CSMD1: variants seen among roughly 807,000 people sequenced by gnomAD.
The protein encoded by CSMD1 is CUB and sushi domain-containing protein 1.
CSMD1 carries 213 observed loss-of-function variants against 417.5 expected under a neutral mutation model. The ratio of observed to expected loss-of-function variants is 0.51; its 90% CI spans 0.46 to 0.57. The LOEUF is 0.57. CSMD1 is among the 20% of genes least tolerant of loss of function. The pLI, the probability that CSMD1 is intolerant of heterozygous loss-of-function variation, is 0.00. For missense variants in CSMD1, 6,923 were observed against 4,529.7 expected (o/e 1.53, Z -15.17); for synonymous variants, 2,862 against 1,736.8 (o/e 1.65, Z -16.11).
At chr8:4,812,502 C>G (rs558824680) in intron 1 of CSMD1, among the ~76,000 whole-genome samples, 1 of 152,028 alleles carries the variant, frequency 6.6e-6, no homozygotes, top group South Asian at 2.1e-4. Flanking sequence ...TCCCAAATAC[C>G]CCAAATTTGA....
At chr8:4,211,450 A>G (rs112073593) in intron 3 of CSMD1, among the ~76,000 whole-genome samples, 13 of 152,240 alleles carry the variant, frequency 8.5e-5, no homozygotes, top group African/African-American at 2.9e-4. Context: ...CAGTTTACGC[A>G]TGACAAATGA....
rs373357152 is a variant in CSMD1, at chr8:3,796,060, A to C, written c.819-42018T>G. On this transcript the variant is annotated intron_variant, in intron 5 of 69. Transcript: ENST00000635120. ...ATATATATCTATCATAGATATAGAT[A>C]TATATCTATCATAGATATAGATATA... Among the ~76,000 whole-genome samples the C allele has an allele frequency of 7.4e-4, 31 of 41,730 alleles. 6 individuals are homozygous for C. The Admixed American group carries it at 8.2e-3, about 11-fold the overall frequency. The allele number at this position is 41,730 out of a possible 152,430, so 27.4% of individuals were successfully genotyped here.
chr8:3,088,625 C>T (rs544650602), intron 48 of CSMD1, among the ~76,000 whole-genome samples: 1 of 152,028 alleles, frequency 6.6e-6, no homozygotes, highest in South Asian at 2.1e-4. Context: ...TCTGAAGTAC[C>T]ATTTCCTTTT....
At chr8:4,359,786 G>A (rs528938053) in intron 3 of CSMD1, among the ~76,000 whole-genome samples, 4 of 152,284 alleles carry the variant, frequency 2.6e-5, no homozygotes, top group Admixed American at 1.3e-4. Flanking sequence ...GGTAAAGAAC[G>A]CACAATGAGT....
At chr8:4,034,770 G>A (rs1440046770) in intron 3 of CSMD1, among the ~76,000 whole-genome samples, 2 of 152,082 alleles carry the variant, frequency 1.3e-5, no homozygotes, top group Non-Finnish European at 2.9e-5. Context: ...TCTTCTTAGG[G>A]TCATTATTAT....
intron 39 of CSMD1, among the ~76,000 whole-genome samples, chr8:3,153,229 C>T (rs768945478): frequency 3.9e-5 from 6 of 152,160 alleles, no homozygotes; most frequent in Non-Finnish European, 5.9e-5. Context: ...ACAAATGCCA[C>T]GGCAACGTCA....
chr8:3,070,516 C>G (rs548684595), intron 49 of CSMD1, among the ~76,000 whole-genome samples: 30 of 152,254 alleles, frequency 2.0e-4, no homozygotes, highest in African/African-American at 6.5e-4. Context: ...TTCTGAAGTT[C>G]AAAGTTCCAC....
chr8:4,433,251 T>A (rs182030125), intron 2 of CSMD1, among the ~76,000 whole-genome samples: 55 of 152,278 alleles, frequency 3.6e-4, no homozygotes, highest in African/African-American at 1.3e-3. Context: ...GTACTACATT[T>A]GAATGACCCC....
chr8:3,606,013 C>T (rs2449166), intron 8 of CSMD1, among the ~76,000 whole-genome samples: 55,679 of 151,972 alleles, frequency 0.37, 11,249 homozygotes, highest in Middle Eastern at 0.5. Context: ...ATCAATAAGG[C>T]GTCTCCCCTT....
At chr8:3,944,281 T>C (rs1390702435) in intron 5 of CSMD1, among the ~76,000 whole-genome samples, 3 of 152,094 alleles carry the variant, frequency 2.0e-5, no homozygotes, top group African/African-American at 7.2e-5. Context: ...AGTAGAGAAA[T>C]CAAACCTGTC....
intron 3 of CSMD1, among the ~76,000 whole-genome samples, chr8:4,085,461 T>C (rs1189278403): frequency 6.6e-6 from 1 of 152,236 alleles, no homozygotes; most frequent in Non-Finnish European, 1.5e-5. Flanking sequence ...GCTCAGATCA[T>C]GTTTGCTGAC....
chr8:3,187,813 T>C, intron 36 of CSMD1, 56 bp downstream of exon 36: 2 of 1,286,506 alleles, frequency 1.6e-6, no homozygotes, highest in Admixed American at 1.8e-5. Flanking sequence ...TTATGTTGTT[T>C]TCTTGGTGTT....
At chr8:3,755,890 G>C (rs1305922397) in intron 5 of CSMD1, among the ~76,000 whole-genome samples, 1 of 152,054 alleles carries the variant, frequency 6.6e-6, no homozygotes, top group Admixed American at 6.5e-5. Context: ...GCTGGACACA[G>C]CTGACTCCAA....
intron 2 of CSMD1, among the ~76,000 whole-genome samples, chr8:4,471,734 G>A (rs536662774): frequency 7.8e-5 from 9 of 116,022 alleles, no homozygotes; most frequent in South Asian, 2.7e-4. Context: ...CAAACACGCG[G>A]AGAAAAGAAG....
At position 3,005,425 on chromosome 8, in the gene CSMD1, G is replaced by C. The variant is rs373274127; in HGVS notation, c.8030-5294C>G. On this transcript the variant is annotated intron_variant, in intron 52 of 69. Transcript: ENST00000635120. ...GAATCCTCCCTAACTCATTTTATGA[G>C]GCCAGCATCATCCTGATACCAAAGC... is the stretch of plus-strand genomic sequence containing the variant. Among the ~76,000 whole-genome samples the C allele has an allele frequency of 2.4e-4, 36 of 152,216 alleles. No homozygotes were observed. The East Asian group carries it at 2.7e-3, about 11-fold the overall frequency.
At chr8:4,388,819 A>C (rs2128922728) in intron 3 of CSMD1, among the ~76,000 whole-genome samples, 1 of 152,338 alleles carries the variant, frequency 6.6e-6, no homozygotes. Flanking sequence ...CCCAGCACTG[A>C]ATAATCCTGC....
chr8:4,356,821 G>T (rs1801458974), intron 3 of CSMD1, among the ~76,000 whole-genome samples: 1 of 152,134 alleles, frequency 6.6e-6, no homozygotes, highest in Admixed American at 6.5e-5. Context: ...CTTGACAATG[G>T]CGCACATTCC....
At chr8:4,112,610 G>A (rs1476050446) in intron 3 of CSMD1, among the ~76,000 whole-genome samples, 3 of 152,142 alleles carry the variant, frequency 2.0e-5, no homozygotes, top group East Asian at 1.9e-4. Flanking sequence ...TATGAGGGCT[G>A]GTTCTCAGCA....
Position 2,965,666 on chromosome 8 carries a change from A to T in CSMD1, c.9280+109T>A, listed in dbSNP as rs761568519. On this transcript the variant is annotated intron_variant, in intron 59 of 69. Coordinates refer to ENST00000635120, the MANE Select transcript of CSMD1 (RefSeq NM_033225.6). ...AATAGTTGCAAATTGCTGTTCAAGA[A>T]TTCCTAGCCCCTAGAAGGGCTACAT... is the stretch of plus-strand genomic sequence containing the variant. 8 of 864,228 alleles carry T rather than the reference A, an allele frequency of 9.3e-6. 1 individual carries two copies. Among genetic ancestry groups the T allele is most frequent in the Non-Finnish European group, 1.4e-5 (8 of 573,638 alleles). The allele number at this position is 864,228 out of a possible 1,614,324, so 53.5% of individuals were successfully genotyped here.
Sources: allele counts gnomAD v4.1 joint callset (sites outside exome capture counted in the v4.1 genomes callset), GRCh38; gene constraint gnomAD v4.1.1; transcripts MANE v1.5; gene names NCBI Gene and HGNC (gene_info 2026-07-23, HGNC 2026-07-21).